Variants in ANKRD26 observed in about 807,000 individuals in gnomAD.
ANKRD26 encodes ankyrin repeat domain-containing protein 26.
Under a neutral mutation model 208.7 loss-of-function variants are expected in ANKRD26, and 141 were observed. The ratio of observed to expected loss-of-function variants is 0.68; its 90% confidence interval spans 0.59 to 0.78. The LOEUF (loss-of-function observed/expected upper bound fraction) is 0.78, where lower values mean the gene tolerates loss of function less well. Ranked by LOEUF, ANKRD26 falls within the 30% of genes least tolerant of loss-of-function variation. The probability of loss-of-function intolerance (pLI) is 0.00; values close to 1 mark genes in which losing one functional copy is unlikely to be tolerated. For missense variants in ANKRD26, 1,889 were observed against 1,938.7 expected (o/e 0.97, Z 0.48); for synonymous variants, 636 against 660.4 (o/e 0.96, Z 0.57).
intron 32 of ANKRD26, among the ~76,000 whole-genome samples, chr10:27,011,384 C>T (rs1391618558): frequency 6.6e-6 from 1 of 152,188 alleles, no homozygotes; most frequent in Non-Finnish European, 1.5e-5. Flanking sequence ...CCTCCTGCCC[C>T]AGCCTCCCAA....
intron 6 of ANKRD26, chr10:27,080,649 A>AGGAGG (rs1184086802): frequency 1.0e-6 from 1 of 985,356 alleles, no homozygotes; most frequent in African/African-American, 1.7e-5. Flanking sequence ...TCCCACTTAC[A>AGGAGG]GATCCCTCTT....
chr10:27,003,937 A>C (rs1453863717), downstream of ANKRD26, among the ~76,000 whole-genome samples: 2 of 152,342 alleles, frequency 1.3e-5, no homozygotes, highest in South Asian at 4.1e-4. Flanking sequence ...CTCGGCTATC[A>C]AGGATATTTT....
Position 27,091,094 on chromosome 10 carries a change from A to AAATAATAAT in ANKRD26, c.638+1303_638+1311dup, listed in dbSNP as rs35067345. ...CCGTGACAGAGCCAGACCCTGTCTCAAATAATAATAATAATAATAATAAAG... is the reference window on the plus strand; with the variant it reads ...CCGTGACAGAGCCAGACCCTGTCTCAAATAATAATAATAATAATAATAATAATAATAAAG... On this transcript the variant is annotated intron_variant, in intron 4 of 33. Coordinates refer to ENST00000376087, the MANE Select transcript of ANKRD26 (RefSeq NM_014915.3). Among the ~76,000 whole-genome samples the AAATAATAAT allele has an allele frequency of 1.9e-3, 292 of 151,464 alleles. 3 individuals carry two copies. Among genetic ancestry groups the AAATAATAAT allele is most frequent in the African/African-American group, 5.9e-3 (243 of 41,324 alleles).
intron 4 of ANKRD26, among the ~76,000 whole-genome samples, chr10:26,981,558 T>G (rs1284552109): frequency 6.6e-6 from 1 of 152,222 alleles, no homozygotes; most frequent in Non-Finnish European, 1.5e-5. Flanking sequence ...TGCTTTCTCC[T>G]GCTCCCACCA....
intron 30 of ANKRD26, among the ~76,000 whole-genome samples, chr10:27,016,259 G>A (rs2053287523): frequency 6.6e-6 from 1 of 152,076 alleles, no homozygotes; most frequent in Non-Finnish European, 1.5e-5. Context: ...AAAGTGCTAG[G>A]ATTACAGGTG....
At chr10:26,999,263 T>C (rs1277657581), downstream of ANKRD26, among the ~76,000 whole-genome samples, 6 of 152,246 alleles carry the variant, frequency 3.9e-5, no homozygotes, top group Non-Finnish European at 8.8e-5. Context: ...TTTGACTAAA[T>C]ATTTGCATGA....
At chr10:26,949,277 C>T in the ANKRD26 span, among the ~76,000 whole-genome samples, 1 of 152,098 alleles carries the variant, frequency 6.6e-6, no homozygotes, top group East Asian at 1.9e-4. Context: ...GTATGATATA[C>T]ATGTCCTCAT....
chr10:26,986,109 C>T (rs1457237869), intron 3 of ANKRD26, among the ~76,000 whole-genome samples: 1 of 152,090 alleles, frequency 6.6e-6, no homozygotes. Context: ...GAACAGAGCC[C>T]TCAGAAATAA....
chr10:27,008,583 T>C (rs12354840), intron 32 of ANKRD26, among the ~76,000 whole-genome samples: 16,161 of 152,250 alleles, frequency 0.11, 1,155 homozygotes, highest in East Asian at 0.28. Context: ...TTCTTTATAC[T>C]CTATTTACAA....
At chr10:27,001,796 G>C (rs544992418), downstream of ANKRD26, among the ~76,000 whole-genome samples, 3 of 152,280 alleles carry the variant, frequency 2.0e-5, no homozygotes, top group South Asian at 6.2e-4. Flanking sequence ...GTTTCAGCTT[G>C]CTTATCTATG....
chr10:26,949,702 A>T, the ANKRD26 span, among the ~76,000 whole-genome samples: 1 of 151,940 alleles, frequency 6.6e-6, no homozygotes, highest in East Asian at 1.9e-4. Context: ...ATGGGCTTTC[A>T]CCATCGTGGC....
intron 16 of ANKRD26, chr10:27,051,843 TC>T (rs2135377204): frequency 1.0e-6 from 1 of 985,378 alleles, no homozygotes; most frequent in Non-Finnish European, 1.2e-6. Context: ...TAGTGACTCT[TC>T]CCCAGGAGAA....
Position 27,093,797 on chromosome 10 carries a change from G to A in ANKRD26, c.245C>T (p.Thr82Met), listed in dbSNP as rs373943537. 38 of 1,611,848 alleles carry A rather than the reference G, an allele frequency of 2.4e-5. No homozygotes were observed. Among genetic ancestry groups the A allele is most frequent in the South Asian group, 1.2e-4 (11 of 91,054 alleles). ...GLNDRDKMNR[T>M]ALHLACANGH... is the part of the protein sequence containing the mutation. ...ATTGGCACAGGCCAAATGTAGAGCC[G>A]TCCTATGAGAGTGACAGGACTTTTT... The change falls in exon 2 of 34, where the codon ACG (threonine) becomes ATG (methionine). Residue 82 changes from threonine to methionine, a missense_variant and splice_region_variant. This residue lies in a region of ANKRD26 where 1,272 missense variants were observed against 1,273.8 expected (regional missense o/e 1.00). Transcript: ENST00000376087.
At chr10:27,051,094 C>T (rs2054639964) in intron 16 of ANKRD26, 2 of 1,283,234 alleles carry the variant, frequency 1.6e-6, no homozygotes, top group African/African-American at 3.1e-5. Flanking sequence ...TTCTCCAAAG[C>T]CTGGAACTCT....
At chr10:27,051,890 G>A (rs2054675480) in intron 16 of ANKRD26, 3 of 985,348 alleles carry the variant, frequency 3.0e-6, no homozygotes, top group Non-Finnish European at 3.6e-6. Context: ...TTTCACCACA[G>A]CTCTGCTTTA....
chr10:27,035,925 C>G (rs1358477801), intron 23 of ANKRD26, among the ~76,000 whole-genome samples, 173 bp from the exon 24 acceptor site: 1 of 150,388 alleles, frequency 6.6e-6, no homozygotes, highest in Non-Finnish European at 1.5e-5. Context: ...AGCATAAACT[C>G]CCAAAAGTTC....
intron 4 of ANKRD26, chr10:27,088,504 T>G (rs949618257): frequency 6.6e-6 from 1 of 152,210 alleles, no homozygotes; most frequent in African/African-American, 2.4e-5. Flanking sequence ...TAACCTACTT[T>G]ACGCTCAGAG....
At chr10:27,089,986 A>G (rs1369888066) in intron 4 of ANKRD26, among the ~76,000 whole-genome samples, 3 of 152,230 alleles carry the variant, frequency 2.0e-5, no homozygotes, top group Non-Finnish European at 4.4e-5. Flanking sequence ...AGTGTTAACT[A>G]GCCTTTTATT....
intron 1 of ANKRD26, 72 bp downstream of exon 1, chr10:27,100,013 C>G (rs567384466): frequency 9.3e-6 from 15 of 1,605,038 alleles, no homozygotes; most frequent in Middle Eastern, 3.3e-4. Flanking sequence ...CTGGGTGGCT[C>G]CCACAAAAGG....
Sources: gnomAD v4.1 joint callset for allele counts (sites outside exome capture counted in the v4.1 genomes callset) on GRCh38, gnomAD v4.1.1 for gene constraint, gnomAD v4.1.1 regional missense constraint, MANE v1.5 for transcripts, NCBI Gene and HGNC (gene_info 2026-07-23, HGNC 2026-07-21) for gene names.